Variants in AOPEP observed in about 807,000 individuals in gnomAD.
AOPEP encodes the protein aminopeptidase O.
In AOPEP, 77 loss-of-function variants were observed where a neutral mutation model predicts 98.1. That is an observed-to-expected ratio of 0.78 (90% CI 0.65 to 0.95). AOPEP has a LOEUF of 0.95. Among genes scored for constraint, AOPEP ranks in the 40% least tolerant of loss-of-function variants. The pLI, the probability that AOPEP is intolerant of heterozygous loss-of-function variation, is 0.00. For missense variants in AOPEP, 1,024 were observed against 1,024.7 expected, an observed-to-expected ratio of 1.00 and a Z score of 0.01; for synonymous variants, 346 against 365.3, an observed-to-expected ratio of 0.95 and a Z score of 0.60.
intron 1 of AOPEP, among the ~76,000 whole-genome samples, chr9:94,738,549 G>A (rs549142445): frequency 1.1e-4 from 16 of 152,204 alleles, no homozygotes; most frequent in African/African-American, 3.6e-4. Context: ...AGGAGATACA[G>A]AAAAGGACAC....
chr9:95,056,845 G>A (rs541847103), intron 13 of AOPEP, among the ~76,000 whole-genome samples: 3 of 152,244 alleles, frequency 2.0e-5, no homozygotes, highest in Middle Eastern at 3.4e-3. Context: ...GACTGACCTC[G>A]TTTAGCATTT....
intron 4 of AOPEP, among the ~76,000 whole-genome samples, chr9:94,794,992 T>A (rs999840723): frequency 6.6e-6 from 1 of 152,222 alleles, no homozygotes. Flanking sequence ...TATCCTGAAT[T>A]GATACAGTAG....
intron 5 of AOPEP, among the ~76,000 whole-genome samples, chr9:94,866,104 A>G (rs1564286026): frequency 6.6e-6 from 1 of 152,236 alleles, no homozygotes; most frequent in Non-Finnish European, 1.5e-5. Context: ...AGACCGTAGC[A>G]AGGAGTCACT....
chr9:95,032,903 A>G (rs978329982), intron 13 of AOPEP, among the ~76,000 whole-genome samples: 7 of 152,176 alleles, frequency 4.6e-5, no homozygotes, highest in Admixed American at 4.6e-4. Flanking sequence ...ATGTGCATGT[A>G]TAGGTGTGTA....
intron 3 of AOPEP, among the ~76,000 whole-genome samples, chr9:94,777,223 G>C (rs1369534891): frequency 1.3e-5 from 2 of 152,046 alleles, no homozygotes; most frequent in African/African-American, 4.8e-5. Context: ...ATGAGGTCAG[G>C]AGATTGAGAC....
chr9:94,955,933 C>T lies in AOPEP; in HGVS notation c.1790C>T (p.Ala597Val), dbSNP rs754818005. The T allele has an allele frequency of 6.2e-7, 1 of 1,612,358 alleles. No individual in the cohort carries two copies. Among genetic ancestry groups the T allele is most frequent in the East Asian group, 2.2e-5 (1 of 44,864 alleles). ...GGCTACTTCCTTCTTCGGTTTCTTG[C>T]CAAAAGACTTGGAGATGAAACCTAT... is the stretch of plus-strand genomic sequence containing the variant. ...LKGYFLLRFL[A>V]KRLGDETYFS... Residue 597 changes from alanine to valine, a missense_variant, in exon 9 of 17, where the codon GCC becomes GTC. Around this residue, in one of 3 missense-constraint regions of AOPEP, gnomAD observed 566 missense variants for 551.7 expected, o/e 1.03. Transcript: ENST00000375315.
intron 14 of AOPEP, among the ~76,000 whole-genome samples, chr9:95,070,205 GC>G (rs1054194838): frequency 4.3e-4 from 65 of 152,300 alleles, no homozygotes; most frequent in Middle Eastern, 6.8e-3. Flanking sequence ...CTCTGCAGAG[GC>G]CCCCCTTACC....
In AOPEP at chr9:95,033,199, T is replaced by G. The variant is rs544706963; in HGVS notation, c.2116-27495T>G. 1.8e-3 allele frequency among the ~76,000 whole-genome samples: 279 copies of G among 152,244 alleles called. 2 individuals are homozygous for G. Among genetic ancestry groups the G allele is most frequent in the Middle Eastern group, 6.8e-3 (2 of 294 alleles). On this transcript the variant is annotated intron_variant, in intron 13 of 16. Coordinates refer to ENST00000375315, the MANE Select transcript of AOPEP (RefSeq NM_001193329.3). ...GCCAAACAGATATAAGTCCGCTGTG[T>G]CCTCATTTCACCTCTTCTTTTGTTC... is the stretch of plus-strand genomic sequence containing the variant.
At chr9:94,870,646 C>T (rs1018298134) in intron 5 of AOPEP, among the ~76,000 whole-genome samples, 3 of 152,198 alleles carry the variant, frequency 2.0e-5, no homozygotes, top group African/African-American at 7.2e-5. Context: ...AGCCTTGTCT[C>T]AGGCAGGGGT....
At chr9:95,056,250 T>C (rs1177626530) in intron 13 of AOPEP, 2 of 152,400 alleles carry the variant, frequency 1.3e-5, no homozygotes, top group African/African-American at 4.8e-5. Flanking sequence ...TTATTCTCTG[T>C]CTGGGGAGCC....
In AOPEP at chr9:94,880,907, A is replaced by G. The variant is rs74608026; in HGVS notation, c.1365-43079A>G. On this transcript the variant is annotated intron_variant, in intron 5 of 16. Coordinates refer to ENST00000375315, the MANE Select transcript of AOPEP (RefSeq NM_001193329.3). Reference sequence around the variant, plus strand: ...TAGGACCCACGAACAAAAAGTATCAACTCAGGATTATCCAATGGAGCATCT... The same window carrying G: ...TAGGACCCACGAACAAAAAGTATCAGCTCAGGATTATCCAATGGAGCATCT... Among the ~76,000 whole-genome samples the G allele has an allele frequency of 3.8e-3, 580 of 152,246 alleles. 3 individuals carry two copies. The highest frequency in any genetic ancestry group is 0.014 in the African/African-American group (563 of 41,524).
intron 3 of AOPEP, among the ~76,000 whole-genome samples, chr9:94,779,696 T>C (rs1262461992): frequency 6.6e-6 from 1 of 151,538 alleles, no homozygotes; most frequent in Non-Finnish European, 1.5e-5. Context: ...AAATATAAAT[T>C]GAATATAAAT....
chr9:95,088,252 C>T (rs1280865173), downstream of AOPEP, among the ~76,000 whole-genome samples: 1 of 151,712 alleles, frequency 6.6e-6, no homozygotes, highest in African/African-American at 2.4e-5. Flanking sequence ...TCTTGTTGCG[C>T]AGGCTGGAAT....
At chr9:95,142,232 A>T in the AOPEP span, among the ~76,000 whole-genome samples, 21 of 151,972 alleles carry the variant, frequency 1.4e-4, no homozygotes, top group Non-Finnish European at 2.1e-4. Flanking sequence ...ACCTCAGGTG[A>T]TCCACCTGCC....
chr9:95,083,539 A>G (rs2070148726), intron 16 of AOPEP, among the ~76,000 whole-genome samples: 1 of 147,386 alleles, frequency 6.8e-6, no homozygotes, highest in Non-Finnish European at 1.5e-5. Context: ...CACCACGCAG[A>G]GTACACGCGG....
Position 95,085,208 on chromosome 9 carries a change from C to T in AOPEP, c.*5-1474C>T, listed in dbSNP as rs762201032. ...GCAGACAGCACGGGGTGGCGCTGCTCTCAGGTGCTCTGGCTGCTTGGGTTC... is the reference window on the plus strand; with the variant it reads ...GCAGACAGCACGGGGTGGCGCTGCTTTCAGGTGCTCTGGCTGCTTGGGTTC... On this transcript the variant is annotated intron_variant, in intron 16 of 16. Transcript: ENST00000375315. 3 of 492,838 alleles carry T rather than the reference C, an allele frequency of 6.1e-6. No homozygotes were observed. The East Asian group carries it at 1.8e-4, about 30-fold the overall frequency. 30.5% of individuals were successfully genotyped at this position (492,838 alleles called of 1,614,324 possible).
chr9:95,150,085 A>G, the AOPEP span: 1 of 1,614,134 alleles, frequency 6.2e-7, no homozygotes, highest in Admixed American at 1.7e-5. Flanking sequence ...CTCGGGAGCC[A>G]TTCTATGGAA....
At position 94,734,165 on chromosome 9, in the gene AOPEP, C is replaced by T. The variant is rs535233602; in HGVS notation, c.-136+7414C>T. Among the ~76,000 whole-genome samples, 4 of 152,284 alleles carry T rather than the reference C, an allele frequency of 2.6e-5. No individual in the cohort carries two copies. In the East Asian group the frequency reaches 7.7e-4, roughly 29 times the overall value. On this transcript the variant is annotated intron_variant, in intron 1 of 16. Transcript: ENST00000375315. ...GTGCTCCCCGCCGAGTTTATCTGCA[C>T]AGCTGCAGCGCCGGGAACATGATCA...
At chr9:94,798,141 T>C (rs915060625) in intron 4 of AOPEP, among the ~76,000 whole-genome samples, 1 of 152,208 alleles carries the variant, frequency 6.6e-6, no homozygotes. Context: ...GAGAAGACAG[T>C]GAAGCCCAGG....
Sources: allele counts gnomAD v4.1 joint callset (sites outside exome capture counted in the v4.1 genomes callset), GRCh38; gene constraint gnomAD v4.1.1; regional missense constraint gnomAD v4.1.1; transcripts MANE v1.5; gene names NCBI Gene and HGNC (gene_info 2026-07-23, HGNC 2026-07-21).